The following FMNL3 variants were observed in gnomAD, a reference collection of about 807,000 sequenced individuals.
The protein encoded by FMNL3 is formin-like protein 3.
In FMNL3, 57 loss-of-function variants were observed where a neutral mutation model predicts 119.6. That is an observed-to-expected ratio of 0.48 (90% CI 0.39 to 0.59). The LOEUF is 0.59. Ranked by LOEUF, FMNL3 falls within the 20% of genes least tolerant of loss-of-function variation. FMNL3 has a pLI of 0.00. For synonymous variants in FMNL3, 491 were observed against 507.3 expected (o/e 0.97, Z 0.43); for missense variants, 1,053 against 1,323.5 (o/e 0.80, Z 3.17).
chr12:49,700,174 C>G (rs895630116), intron 1 of FMNL3, among the ~76,000 whole-genome samples: 33 of 151,638 alleles, frequency 2.2e-4, no homozygotes, highest in African/African-American at 7.7e-4. Flanking sequence ...AGGTGGATCA[C>G]GAGGTCAGGA....
At chr12:49,682,716 C>T (rs886602396) in intron 1 of FMNL3, among the ~76,000 whole-genome samples, 65 of 152,098 alleles carry the variant, frequency 4.3e-4, no homozygotes, top group African/African-American at 1.5e-3. Flanking sequence ...GTTAAACATA[C>T]GTAAAGTATG....
intron 1 of FMNL3, among the ~76,000 whole-genome samples, chr12:49,702,240 C>T (rs1192240593): frequency 6.6e-6 from 1 of 152,154 alleles, no homozygotes; most frequent in Non-Finnish European, 1.5e-5. Flanking sequence ...GAGTTCAAAG[C>T]TGCAGTGAGG....
rs1313934066 is a variant in FMNL3 at position 49,638,570 on chromosome 12, AAGTG to A, written c.*7241_*7244del. 1.2e-4 allele frequency: 18 copies of A among 152,240 alleles called. No homozygotes were observed. The highest frequency in any genetic ancestry group is 4.1e-4 in the African/African-American group (17 of 41,456). The allele number at this position is 152,240 out of a possible 1,614,324, so 9.4% of individuals were successfully genotyped here. A position where few individuals can be genotyped will look rare whatever the true frequency, so the allele number is the denominator to read the frequency against. On this transcript the variant is annotated 3_prime_UTR_variant, in exon 26 of 26. Coordinates refer to ENST00000335154, the MANE Select transcript of FMNL3 (RefSeq NM_175736.5). ...TATTTACATCTTATCAAAAGTGGAA[AAGTG>A]AGTGAGTGATGGACTAAACCTTGTG...
chr12:49,638,228 A>T lies in FMNL3; in HGVS notation c.*7587T>A, dbSNP rs898956027. On this transcript the variant is annotated 3_prime_UTR_variant, in exon 26 of 26. Transcript: ENST00000335154. ...GCATAGCTAATTGTAAACTGGTAGC[A>T]CACAGATTGTTCTTTCTGGCCTGTA... 1 of 182,748 alleles carries T rather than the reference A, an allele frequency of 5.5e-6. No homozygotes were observed. Among genetic ancestry groups the T allele is most frequent in the African/African-American group, 2.4e-5 (1 of 42,284 alleles). The allele number at this position is 182,748 out of a possible 1,614,324, so 11.3% of individuals were successfully genotyped here. A position where few individuals can be genotyped will look rare whatever the true frequency, so the allele number is the denominator to read the frequency against.
chr12:49,667,180 C>G (rs1022041579), intron 2 of FMNL3, among the ~76,000 whole-genome samples: 4 of 152,010 alleles, frequency 2.6e-5, no homozygotes, highest in Non-Finnish European at 4.4e-5. Flanking sequence ...CTGCCACCAC[C>G]AAGATATCTG....
At chr12:49,657,253 C>T in intron 6 of FMNL3, 63 bp from the exon 7 acceptor site, 2 of 1,274,698 alleles carry the variant, frequency 1.6e-6, no homozygotes, top group South Asian at 2.4e-5. Flanking sequence ...TCTAGGGACA[C>T]TCACCATCAC....
intron 6 of FMNL3, 48 bp downstream of exon 6, chr12:49,658,394 C>G: frequency 1.3e-6 from 2 of 1,544,554 alleles, no homozygotes; most frequent in Non-Finnish European, 1.8e-6. Context: ...GAGACCTGCA[C>G]TGAAGGGTAG....
chr12:49,670,104 C>T (rs556809233), intron 1 of FMNL3, among the ~76,000 whole-genome samples: 2 of 152,322 alleles, frequency 1.3e-5, no homozygotes, highest in Admixed American at 1.3e-4. Flanking sequence ...GCTCTAACTC[C>T]CTGGTAACCC....
Position 49,647,353 on chromosome 12 carries a change from T to G in FMNL3, c.2794A>C (p.Asn932His). Residue 932 changes from asparagine (N) to histidine (H), a missense_variant, in exon 24 of 26, where the codon AAT becomes CAT. Asn to His is a moderately conservative substitution (Grantham distance 68). Coordinates refer to ENST00000335154, the MANE Select transcript of FMNL3 (RefSeq NM_175736.5). This position sits in a 1 kb window ranked among gnomAD's most constrained non-coding sequence, Gnocchi z 4.9. ...TCCTCCTGCTTCTTGCGGGCTTCAT[T>G]CTCTTGTTCTGCTTCCTAAGAGCCA... ...IRSYKEAEQENEARKKQEEVM... is the reference protein window; with the variant it reads ...IRSYKEAEQEHEARKKQEEVM... The G allele has an allele frequency of 6.2e-7, 1 of 1,612,798 alleles. No homozygotes were observed. The highest frequency in any genetic ancestry group is 2.2e-5 in the East Asian group (1 of 44,844).
At position 49,653,284 on chromosome 12, in the gene FMNL3, C is replaced by CG; in HGVS notation, c.1264dup (p.Arg422ProfsTer24). The CG allele has an allele frequency of 6.2e-7, 1 of 1,614,088 alleles. No individual in the cohort carries two copies. Among genetic ancestry groups the CG allele is most frequent in the Non-Finnish European group, 8.5e-7 (1 of 1,180,020 alleles). ...CAGCTGCTTCTCTAGTTCTGCCACC[C>CG]GCATCATGTTTTCATTCTCTAGGTC... On this transcript the variant is annotated frameshift_variant, in exon 13 of 26. Transcript: ENST00000335154. LOFTEE classifies it high-confidence loss of function.
intron 1 of FMNL3, among the ~76,000 whole-genome samples, chr12:49,684,178 G>C (rs1944402478): frequency 6.6e-6 from 1 of 152,164 alleles, no homozygotes; most frequent in Admixed American, 6.5e-5. Flanking sequence ...CTAAGCACTT[G>C]CTGAGTGCAT....
intron 1 of FMNL3, among the ~76,000 whole-genome samples, chr12:49,688,808 T>C (rs1047715425): frequency 2.6e-5 from 4 of 152,134 alleles, no homozygotes; most frequent in African/African-American, 9.7e-5. Context: ...CAAAATACAA[T>C]GTATAAGAAA....
In FMNL3 at chr12:49,649,963, T is replaced by G; in HGVS notation, c.2001-38A>C. On this transcript the variant is annotated intron_variant, in intron 17 of 25. Coordinates refer to ENST00000335154, the MANE Select transcript of FMNL3 (RefSeq NM_175736.5). The surrounding 1 kb of genome is among the most constrained non-coding windows in gnomAD (Gnocchi z 5.6). ...GAGGGACCACCTCAGTTCTCACATC[T>G]CTCCACGTTTTCCCTCATCCCTTTT... is the stretch of plus-strand genomic sequence containing the variant. The G allele has an allele frequency of 6.4e-7, 1 of 1,551,832 alleles. No homozygotes were observed. Among genetic ancestry groups the G allele is most frequent in the Non-Finnish European group, 8.8e-7 (1 of 1,134,832 alleles).
chr12:49,637,697 G>GC lies in FMNL3; in HGVS notation c.*8117dup. 6.9e-7 allele frequency: 1 copy of GC among 1,450,742 alleles called. No individual in the cohort carries two copies. Among genetic ancestry groups the GC allele is most frequent in the South Asian group, 1.2e-5 (1 of 84,350 alleles). The allele number at this position is 1,450,742 out of a possible 1,614,324, so 89.9% of individuals were successfully genotyped here. A position where few individuals can be genotyped will look rare whatever the true frequency, so the allele number is the denominator to read the frequency against. Reference sequence around the variant, plus strand: ...CCCAGCCCCCAGGCCTTGGGAAGCTGCCGCCCGCCAGGCCCCCCTCCCTCC... The same window carrying GC: ...CCCAGCCCCCAGGCCTTGGGAAGCTGCCCGCCCGCCAGGCCCCCCTCCCTCC... On this transcript the variant is annotated 3_prime_UTR_variant, in exon 26 of 26. Coordinates refer to ENST00000335154, the MANE Select transcript of FMNL3 (RefSeq NM_175736.5).
At position 49,647,753 on chromosome 12, in the gene FMNL3, G is replaced by A. The variant is rs1383198191; in HGVS notation, c.2728C>T (p.Pro910Ser). Residue 910 changes from proline to serine, a missense_variant, in exon 23 of 26, where the codon CCT (proline) becomes TCT (serine). By Grantham distance (74) the Pro-to-Ser change is moderately conservative. Transcript: ENST00000335154. This position sits in a 1 kb window ranked among gnomAD's most constrained non-coding sequence, Gnocchi z 4.9. ...AATACTGGGAAGAATACAGAAGGAG[G>A]TGTAGTCTTGGGACTCTCGCCAAAG... ...RYFGESPKTT[P>S]PSVFFPVFVR... The A allele has an allele frequency of 4.3e-6, 7 of 1,614,180 alleles. No homozygotes were observed. Among genetic ancestry groups the A allele is most frequent in the Non-Finnish European group, 5.9e-6 (7 of 1,179,998 alleles).
At chr12:49,680,375 G>A (rs549470872) in intron 1 of FMNL3, among the ~76,000 whole-genome samples, 2 of 152,240 alleles carry the variant, frequency 1.3e-5, no homozygotes, top group Admixed American at 6.5e-5. Flanking sequence ...ATCAGCTAGG[G>A]AGAGGCTCTA....
chr12:49,653,861 G>C lies in FMNL3; in HGVS notation c.1085C>G (p.Thr362Arg). 1.9e-6 allele frequency: 3 copies of C among 1,614,190 alleles called. No individual in the cohort carries two copies. Among genetic ancestry groups the C allele is most frequent in the Non-Finnish European group, 2.5e-6 (3 of 1,180,036 alleles). ...LEEFLQKSRH[T>R]ESEKLQVQIQ... ...CTGCACCTGCAGCTTCTCGCTCTCT[G>C]TGTGCCTTGACTTCTGGGGGAAGAG... Residue 362 changes from threonine (T) to arginine (R), a missense_variant, in exon 12 of 26, where the codon ACA (threonine) becomes AGA (arginine). Thr to Arg is a moderately conservative substitution (Grantham distance 71). This residue lies in a region of FMNL3 where 445 missense variants were observed against 628.4 expected (regional missense o/e 0.71). Transcript: ENST00000335154.
chr12:49,665,648 G>C (rs1943869563), intron 4 of FMNL3, among the ~76,000 whole-genome samples, 184 bp downstream of exon 4: 1 of 152,190 alleles, frequency 6.6e-6, no homozygotes, highest in Non-Finnish European at 1.5e-5. Context: ...CAGAGCTGAG[G>C]GGGTAGAAAA....
rs1943464412 is a variant in FMNL3 at position 49,653,258 on chromosome 12, G to T, written c.1291C>A (p.Leu431Ile). The change falls in exon 13 of 26, where the codon CTA (leucine) becomes ATA (isoleucine). Residue 431 changes from leucine (L) to isoleucine (I), a missense_variant. Coordinates refer to ENST00000335154, the MANE Select transcript of FMNL3 (RefSeq NM_175736.5). Reference protein sequence around the residue: ...MRVAELEKQLLQREKELESIK... With the variant: ...MRVAELEKQLIQREKELESIK... ...CTCTCTAGTTCCTTCTCCCGCTGTA[G>T]CAGCTGCTTCTCTAGTTCTGCCACC... is the stretch of plus-strand genomic sequence containing the variant. 1 of 1,614,028 alleles carries T rather than the reference G, an allele frequency of 6.2e-7. No homozygotes were observed. The highest frequency in any genetic ancestry group is 1.3e-5 in the African/African-American group (1 of 74,920).
Sources: allele counts gnomAD v4.1 joint callset (sites outside exome capture counted in the v4.1 genomes callset), GRCh38; gene constraint gnomAD v4.1.1; regional missense constraint gnomAD v4.1.1; non-coding constraint Gnocchi (gnomAD v3.1); transcripts MANE v1.5; gene names NCBI Gene and HGNC (gene_info 2026-07-23, HGNC 2026-07-21).